Variants in RABGAP1L observed in about 807,000 individuals in gnomAD.
RABGAP1L encodes the protein rab GTPase-activating protein 1-like.
In RABGAP1L, 63 loss-of-function variants were observed where a neutral mutation model predicts 137.7. The ratio of observed to expected loss-of-function variants is 0.46; its 90% CI spans 0.37 to 0.56. The LOEUF (loss-of-function observed/expected upper bound fraction) is 0.56, where lower values mean the gene tolerates loss of function less well. Ranked by LOEUF, RABGAP1L falls within the 20% of genes least tolerant of loss-of-function variation. RABGAP1L has a pLI of 0.00. For missense variants in RABGAP1L, 1,095 were observed against 1,244.0 expected, an observed-to-expected ratio of 0.88 and a Z score of 1.80; for synonymous variants, 431 against 433.7, an observed-to-expected ratio of 0.99 and a Z score of 0.08.
At chr1:174,648,605 G>A (rs1675188230) in intron 14 of RABGAP1L, among the ~76,000 whole-genome samples, 1 of 152,120 alleles carries the variant, frequency 6.6e-6, no homozygotes. Context: ...TTGCTGAGGA[G>A]TGTTTTACTT....
At chr1:174,168,464 A>G (rs1665090740) in intron 1 of RABGAP1L, among the ~76,000 whole-genome samples, 1 of 150,566 alleles carries the variant, frequency 6.6e-6, no homozygotes, top group East Asian at 1.9e-4. Context: ...GCTTTTTTCC[A>G]TTTTTTTTTA....
intron 17 of RABGAP1L, among the ~76,000 whole-genome samples, chr1:174,741,784 T>G (rs1683426685): frequency 6.7e-6 from 1 of 149,812 alleles, no homozygotes; most frequent in Non-Finnish European, 1.5e-5. Flanking sequence ...TGTTGTGGCA[T>G]TTTTAAGGAT....
intron 13 of RABGAP1L, among the ~76,000 whole-genome samples, chr1:174,564,829 T>A (rs2148029016): frequency 6.6e-6 from 1 of 152,266 alleles, no homozygotes; most frequent in South Asian, 2.1e-4. Context: ...ATAGGAAAAT[T>A]GTTTTAAAAG....
At chr1:174,257,036 AC>A (rs776135241) in intron 7 of RABGAP1L, among the ~76,000 whole-genome samples, 17 of 151,884 alleles carry the variant, frequency 1.1e-4, no homozygotes, top group South Asian at 2.1e-4. Context: ...CCTAAATTTA[AC>A]CCCACCTCCT....
chr1:174,929,009 T>C (rs1052304673), intron 19 of RABGAP1L, among the ~76,000 whole-genome samples: 1 of 151,514 alleles, frequency 6.6e-6, no homozygotes, highest in African/African-American at 2.4e-5. Context: ...AGGTGGGAAT[T>C]GAACAATGAT....
chr1:174,467,400 T>TAA (rs532821147), intron 13 of RABGAP1L, among the ~76,000 whole-genome samples: 4 of 143,830 alleles, frequency 2.8e-5, no homozygotes, highest in African/African-American at 1.0e-4. Context: ...TGAGCCTAGT[T>TAA]AAAAAAAAAA....
chr1:174,972,661 T>G (rs1207584641), intron 21 of RABGAP1L, among the ~76,000 whole-genome samples: 1 of 152,064 alleles, frequency 6.6e-6, no homozygotes, highest in Non-Finnish European at 1.5e-5. Context: ...GAGACCAGCC[T>G]GGGGAACACG....
intron 19 of RABGAP1L, among the ~76,000 whole-genome samples, chr1:174,946,933 T>G (rs1666905644): frequency 2.8e-5 from 2 of 71,754 alleles, no homozygotes; most frequent in Non-Finnish European, 5.3e-5. Flanking sequence ...TATATATATA[T>G]ATATATATGT....
intron 15 of RABGAP1L, among the ~76,000 whole-genome samples, chr1:174,690,609 A>G (rs1003699049): frequency 4.6e-5 from 7 of 152,152 alleles, no homozygotes; most frequent in African/African-American, 1.2e-4. Flanking sequence ...CCCTGGTCCA[A>G]CTAATTTGAA....
chr1:174,634,740 G>A (rs1490659685), intron 13 of RABGAP1L, among the ~76,000 whole-genome samples: 2 of 142,056 alleles, frequency 1.4e-5, no homozygotes, highest in Non-Finnish European at 3.0e-5. Context: ...GTAGGGACAT[G>A]GATGAAATTG....
intron 18 of RABGAP1L, among the ~76,000 whole-genome samples, chr1:174,781,445 C>A (rs1686999456): frequency 6.6e-6 from 1 of 152,008 alleles, no homozygotes; most frequent in Admixed American, 6.6e-5. Flanking sequence ...TGTTTGAGTT[C>A]TTTGTAGATT....
At chr1:174,981,021 A>G (rs952665314) in intron 23 of RABGAP1L, among the ~76,000 whole-genome samples, 8 of 152,080 alleles carry the variant, frequency 5.3e-5, no homozygotes, top group Non-Finnish European at 1.0e-4. Context: ...ATTAAAGACT[A>G]TGTGCTGTGG....
At chr1:174,887,616 G>C (rs527560316) in intron 19 of RABGAP1L, among the ~76,000 whole-genome samples, 11 of 152,122 alleles carry the variant, frequency 7.2e-5, no homozygotes, top group African/African-American at 9.7e-5. Flanking sequence ...AAAACTTGGG[G>C]GGGGGGTCAT....
intron 18 of RABGAP1L, among the ~76,000 whole-genome samples, chr1:174,792,583 G>C (rs942057141): frequency 2.0e-5 from 3 of 152,128 alleles, no homozygotes; most frequent in African/African-American, 7.2e-5. Context: ...TAGAGATGAT[G>C]GATAAGTTTA....
intron 1 of RABGAP1L, among the ~76,000 whole-genome samples, chr1:174,162,166 G>A (rs1349085440): frequency 6.6e-6 from 1 of 151,702 alleles, no homozygotes; most frequent in Admixed American, 6.6e-5. Context: ...TGGTAGTTAT[G>A]ATTTTTTTTT....
intron 15 of RABGAP1L, among the ~76,000 whole-genome samples, chr1:174,689,002 G>C (rs975464035): frequency 6.6e-6 from 1 of 152,092 alleles, no homozygotes; most frequent in Admixed American, 6.5e-5. Flanking sequence ...TGGGAATCAT[G>C]ACTGAAAAGA....
At chr1:174,710,390 TTGAAA>T (rs1395295289) in intron 17 of RABGAP1L, among the ~76,000 whole-genome samples, 1 of 151,996 alleles carries the variant, frequency 6.6e-6, no homozygotes, top group African/African-American at 2.4e-5. Flanking sequence ...TTCACCAATG[TTGAAA>T]TGAAGGAAAA....
intron 13 of RABGAP1L, among the ~76,000 whole-genome samples, chr1:174,636,132 TA>T (rs1270985359): frequency 2.6e-5 from 4 of 152,154 alleles, no homozygotes; most frequent in African/African-American, 9.6e-5. Context: ...AGGAATAAAA[TA>T]AAATCAAGAG....
intron 9 of RABGAP1L, among the ~76,000 whole-genome samples, chr1:174,276,685 T>C (rs1202591924): frequency 6.6e-6 from 1 of 152,164 alleles, no homozygotes; most frequent in Non-Finnish European, 1.5e-5. Context: ...ATGCTTGTAA[T>C]ATATATTAAA....
Sources: allele counts gnomAD v4.1 joint callset (sites outside exome capture counted in the v4.1 genomes callset), GRCh38; gene constraint gnomAD v4.1.1; transcripts MANE v1.5; gene names NCBI Gene and HGNC (gene_info 2026-07-23, HGNC 2026-07-21).